Variants in RNLS observed in about 807,000 individuals in gnomAD.
The protein encoded by RNLS is renalase, FAD dependent amine oxidase.
In RNLS, 39 loss-of-function variants were observed where a neutral mutation model predicts 39.8. The observed-to-expected ratio is 0.98, with a 90% CI of 0.76 to 1.28. The LOEUF (loss-of-function observed/expected upper bound fraction) is 1.28, where lower values mean the gene tolerates loss of function less well. RNLS is among the 50% of genes most tolerant of loss of function. The pLI is 0.00. For synonymous variants in RNLS, 147 were observed against 150.7 expected, an observed-to-expected ratio of 0.98 and a Z score of 0.18; for missense variants, 410 against 413.3, an observed-to-expected ratio of 0.99 and a Z score of 0.07.
rs151168587 is a variant in RNLS, at chr10:88,578,713, G to A, written c.367+2854C>T. On this transcript the variant is annotated intron_variant, in intron 3 of 6. Transcript: ENST00000331772. The stretch of plus-strand genomic sequence containing the variant: ...CTATTAGTTTCTGAGTGAGGTACAA[G>A]GAATTAAAAATAATCTCTTCTCTGA... Among the ~76,000 whole-genome samples the A allele has an allele frequency of 2.0e-4, 30 of 152,052 alleles. No homozygotes were observed. In the East Asian group the frequency reaches 5.2e-3, roughly 26 times the overall value.
chr10:88,376,232 C>A (rs1415603469), intron 4 of RNLS, among the ~76,000 whole-genome samples: 2 of 152,014 alleles, frequency 1.3e-5, no homozygotes, highest in African/African-American at 2.4e-5. Flanking sequence ...TCCACTGTTC[C>A]CCAAGTGTCC....
chr10:88,555,405 G>A (rs989720169), intron 4 of RNLS, among the ~76,000 whole-genome samples: 6 of 151,978 alleles, frequency 3.9e-5, no homozygotes, highest in South Asian at 2.1e-4. Context: ...TCATGGGGGC[G>A]GATCTCTCAT....
At chr10:88,497,611 T>TC (rs1845242914) in intron 4 of RNLS, among the ~76,000 whole-genome samples, 1 of 151,954 alleles carries the variant, frequency 6.6e-6, no homozygotes, top group African/African-American at 2.4e-5. Context: ...AGGCCTAAAC[T>TC]TAAGAAATAG....
At chr10:88,580,572 C>A (rs1450143445) in intron 3 of RNLS, among the ~76,000 whole-genome samples, 1 of 152,134 alleles carries the variant, frequency 6.6e-6, no homozygotes. Context: ...TAAAAATAAT[C>A]ATCAATTATC....
At chr10:88,182,208 C>G in the RNLS span, among the ~76,000 whole-genome samples, 1 of 152,122 alleles carries the variant, frequency 6.6e-6, no homozygotes, top group African/African-American at 2.4e-5. Context: ...CATCAGAACT[C>G]AAAAGTGTTG....
chr10:88,241,728 A>G, the RNLS span, among the ~76,000 whole-genome samples: 1 of 152,246 alleles, frequency 6.6e-6, no homozygotes. Flanking sequence ...TAACAGATTC[A>G]CTAGTTCATT....
At chr10:88,552,697 G>A (rs1848655139) in intron 4 of RNLS, among the ~76,000 whole-genome samples, 1 of 151,968 alleles carries the variant, frequency 6.6e-6, no homozygotes, top group African/African-American at 2.4e-5. Flanking sequence ...AAATGTGAAG[G>A]ACTATGATGA....
At chr10:88,387,075 T>C (rs922839284) in intron 4 of RNLS, among the ~76,000 whole-genome samples, 3 of 152,196 alleles carry the variant, frequency 2.0e-5, no homozygotes, top group African/African-American at 7.2e-5. Context: ...AAACATTTGC[T>C]TCAATATTGA....
chr10:88,519,695 T>TATATATCTGATATATATCAC (rs1846604104), intron 4 of RNLS, among the ~76,000 whole-genome samples: 3 of 149,490 alleles, frequency 2.0e-5, no homozygotes, highest in South Asian at 2.1e-4. Flanking sequence ...GCTACATAGA[T>TATATATCTGATATATATCAC]ATATATCTGA....
intron 5 of RNLS, among the ~76,000 whole-genome samples, chr10:88,359,313 TAA>T (rs60973757): frequency 2.9e-4 from 43 of 147,450 alleles, no homozygotes; most frequent in Middle Eastern, 3.6e-3. Context: ...GAAACTACAT[TAA>T]AAAAAAAAAA....
At chr10:88,270,886 G>A (rs562866014), downstream of RNLS, among the ~76,000 whole-genome samples, 6 of 152,296 alleles carry the variant, frequency 3.9e-5, no homozygotes, top group African/African-American at 1.4e-4. Context: ...CCCTGTTTGG[G>A]AGGATAAAAC....
chr10:88,259,645 G>C, the RNLS span, among the ~76,000 whole-genome samples: 1 of 152,212 alleles, frequency 6.6e-6, no homozygotes, highest in Non-Finnish European at 1.5e-5. Flanking sequence ...GTACTGAGTT[G>C]TGTGTAGAAC....
intron 4 of RNLS, among the ~76,000 whole-genome samples, chr10:88,379,074 C>A (rs1339111783): frequency 1.3e-5 from 2 of 152,192 alleles, no homozygotes; most frequent in Non-Finnish European, 2.9e-5. Context: ...AACATATGAG[C>A]AATGCATTTT....
At chr10:88,570,971 T>G (rs2861368) in intron 4 of RNLS, among the ~76,000 whole-genome samples, 25 of 147,084 alleles carry the variant, frequency 1.7e-4, no homozygotes, top group Middle Eastern at 3.5e-3. Context: ...TTCTTTTTTT[T>G]TTTTTTTTTT....
chr10:88,321,639 C>T (rs1437419921), intron 5 of RNLS, among the ~76,000 whole-genome samples: 1 of 151,672 alleles, frequency 6.6e-6, no homozygotes, highest in East Asian at 1.9e-4. Context: ...TGCATAAATA[C>T]AAAAGATTCT....
At chr10:88,506,309 A>G (rs1281507094) in intron 4 of RNLS, among the ~76,000 whole-genome samples, 1 of 152,214 alleles carries the variant, frequency 6.6e-6, no homozygotes, top group Admixed American at 6.6e-5. Context: ...AAGAAAATTA[A>G]AACTAAGAGA....
chr10:88,528,340 G>A (rs560563752), intron 4 of RNLS, among the ~76,000 whole-genome samples: 1 of 152,264 alleles, frequency 6.6e-6, no homozygotes, highest in South Asian at 2.1e-4. Flanking sequence ...AACTCAAGTA[G>A]GAGAAAGATA....
chr10:88,409,595 AT>A (rs553642280), intron 4 of RNLS, among the ~76,000 whole-genome samples: 21 of 152,212 alleles, frequency 1.4e-4, no homozygotes, highest in Middle Eastern at 3.4e-3. Context: ...GTTACTTAAG[AT>A]TTTCAAAGGA....
At chr10:88,258,936 A>G in the RNLS span, among the ~76,000 whole-genome samples, 613 of 152,312 alleles carry the variant, frequency 4.0e-3, 6 homozygotes, top group African/African-American at 0.014. Flanking sequence ...ATGCTCTGTT[A>G]CTGGCGAGCT....
Sources: gnomAD v4.1 joint callset for allele counts (sites outside exome capture counted in the v4.1 genomes callset) on GRCh38, gnomAD v4.1.1 for gene constraint, MANE v1.5 for transcripts, NCBI Gene and HGNC (gene_info 2026-07-23, HGNC 2026-07-21) for gene names.